ZNF16: variants seen among roughly 807,000 people sequenced by gnomAD.
ZNF16 encodes zinc finger protein KOX9.
A neutral mutation model predicts 9.0 loss-of-function variants in ZNF16; 7 were observed. The ratio of observed to expected loss-of-function variants is 0.78; its 90% CI spans 0.44 to 1.47. The LOEUF is 1.47. Ranked by LOEUF, ZNF16 falls within the 40% of genes most tolerant of loss-of-function variation. The pLI is 0.01. For synonymous variants in ZNF16, 312 were observed against 301.5 expected, an observed-to-expected ratio of 1.03 and a Z score of -0.36; for missense variants, 830 against 854.2, an observed-to-expected ratio of 0.97 and a Z score of 0.35.
At chr8:144,936,368 T>C (rs1415125612) in intron 2 of ZNF16, among the ~76,000 whole-genome samples, 2 of 152,254 alleles carry the variant, frequency 1.3e-5, no homozygotes, top group African/African-American at 4.8e-5. Context: ...ACTACTGCTG[T>C]GAACATGATA....
At chr8:144,949,482 T>C (rs2130070945) in intron 1 of ZNF16, among the ~76,000 whole-genome samples, 1 of 152,372 alleles carries the variant, frequency 6.6e-6, no homozygotes, top group South Asian at 2.1e-4. Context: ...ACTGTTACTG[T>C]GTCTGTGTAG....
chr8:144,944,841 G>A (rs1833890057), intron 2 of ZNF16: 1 of 152,340 alleles, frequency 6.6e-6, no homozygotes, highest in Admixed American at 6.5e-5. Context: ...TACAGTCACT[G>A]AAGTCTTTTT....
chr8:144,932,209 CTG>C lies in ZNF16; in HGVS notation c.576_577del (p.His192GlnfsTer8). ...CCCCTCATGACCAGTTAGGTCCACA[CTG>C]TGCTGGAAACTCTGGCCACCCATGT... On this transcript the variant is annotated frameshift_variant, in exon 3 of 3. Coordinates refer to ENST00000394909, the MANE Select transcript of ZNF16 (RefSeq NM_006958.3). LOFTEE classifies it low-confidence loss of function (END_TRUNC). This position sits in a 1 kb window ranked among gnomAD's most constrained non-coding sequence, Gnocchi z 5.0. 1 of 1,614,196 alleles carries C rather than the reference CTG, an allele frequency of 6.2e-7. No homozygotes were observed.
rs529827619 is a variant in ZNF16, at chr8:144,933,375, C to T, written c.197-785G>A. Reference sequence around the variant, plus strand: ...AATTCTGACTGGTGTTTGCGGATGACTTCTGGCCTCGTAACAATGTGCGTC... The same window carrying T: ...AATTCTGACTGGTGTTTGCGGATGATTTCTGGCCTCGTAACAATGTGCGTC... On this transcript the variant is annotated intron_variant, in intron 2 of 2. Coordinates refer to ENST00000394909, the MANE Select transcript of ZNF16 (RefSeq NM_006958.3). The surrounding 1 kb of genome is among the most constrained non-coding windows in gnomAD (Gnocchi z 5.6). 4.6e-5 allele frequency among the ~76,000 whole-genome samples: 7 copies of T among 152,312 alleles called. No individual in the cohort carries two copies. In the South Asian group the frequency reaches 1.4e-3, roughly 32 times the overall value.
intron 1 of ZNF16, among the ~76,000 whole-genome samples, chr8:144,947,254 GT>G (rs1833981659): frequency 8.5e-6 from 1 of 117,848 alleles, no homozygotes; most frequent in African/African-American, 3.9e-5. Context: ...TGGGGCCTGT[GT>G]CCTGCTGTGG....
chr8:144,949,523 C>T (rs1226153851), intron 1 of ZNF16, among the ~76,000 whole-genome samples: 1 of 152,222 alleles, frequency 6.6e-6, no homozygotes, highest in African/African-American at 2.4e-5. Flanking sequence ...TCCATTTTGA[C>T]CTGTACCTTG....
rs1294297050 is a variant in ZNF16 at position 144,943,727 on chromosome 8, C to CCAAGATTCTCTCGATCTCCTGACCT, written c.196+2259_196+2283dup. ...TAGAGACAGGGTTTCACCACGTTGG[C>CCAAGATTCTCTCGATCTCCTGACCT]CAAGATTCTCTCGATCTCCTGACCT... On this transcript the variant is annotated intron_variant, in intron 2 of 2. Coordinates refer to ENST00000394909, the MANE Select transcript of ZNF16 (RefSeq NM_006958.3). 3.9e-5 allele frequency among the ~76,000 whole-genome samples: 6 copies of CCAAGATTCTCTCGATCTCCTGACCT among 152,106 alleles called. No homozygotes were observed. The East Asian group carries it at 1.2e-3, about 29-fold the overall frequency.
At chr8:144,941,531 G>C (rs1162829458) in intron 2 of ZNF16, among the ~76,000 whole-genome samples, 1 of 152,172 alleles carries the variant, frequency 6.6e-6, no homozygotes, top group African/African-American at 2.4e-5. Flanking sequence ...TTACTGAAAA[G>C]GAAGGACTTC....
chr8:144,930,759 C>T lies in ZNF16; in HGVS notation c.2028G>A (p.Gln676=), dbSNP rs760214025. ...CAGCCTATTCCCTGGTGTGAATCAA[C>T]TGGTGTTTGATCAACTTTGATCGCT... ...FSQRSKLIKH[Q]LIHTRE is the part of the protein sequence containing the mutation. Residue 676 remains glutamine, a synonymous_variant, in exon 3 of 3, where the codon CAG becomes CAA. Transcript: ENST00000394909. The T allele has an allele frequency of 2.3e-5, 35 of 1,530,848 alleles. No individual in the cohort carries two copies. Among genetic ancestry groups the T allele is most frequent in the Non-Finnish European group, 2.8e-5 (32 of 1,141,704 alleles). 94.8% of individuals were successfully genotyped at this position (1,530,848 alleles called of 1,614,324 possible). A position where few individuals can be genotyped will look rare whatever the true frequency, so the allele number is the denominator to read the frequency against.
intron 2 of ZNF16, among the ~76,000 whole-genome samples, chr8:144,934,002 A>G (rs529792756): frequency 1.3e-5 from 2 of 152,026 alleles, no homozygotes; most frequent in South Asian, 4.2e-4. Flanking sequence ...TGCCCCTCCA[A>G]TGCCCCTCCC....
chr8:144,936,746 A>C (rs1026266111), intron 2 of ZNF16, among the ~76,000 whole-genome samples: 9 of 145,286 alleles, frequency 6.2e-5, no homozygotes, highest in African/African-American at 2.5e-4. Context: ...TTTATTTATG[A>C]GACAGAGTCT....
intron 2 of ZNF16, among the ~76,000 whole-genome samples, chr8:144,936,227 T>C (rs973028864): frequency 1.3e-5 from 2 of 152,240 alleles, no homozygotes; most frequent in African/African-American, 4.8e-5. Flanking sequence ...CTCAGAGGTT[T>C]ATCCGCGTGT....
intron 1 of ZNF16, among the ~76,000 whole-genome samples, chr8:144,949,303 G>A (rs1834034295): frequency 6.6e-6 from 1 of 152,224 alleles, no homozygotes; most frequent in Non-Finnish European, 1.5e-5. Flanking sequence ...GGGCCTCCCA[G>A]GCAGGACATC....
Position 144,931,271 on chromosome 8 carries a change from GAA to G in ZNF16, c.1514_1515del (p.Ile505ThrfsTer41). 6.2e-7 allele frequency: 1 copy of G among 1,614,110 alleles called. No individual in the cohort carries two copies. The highest frequency in any genetic ancestry group is 1.1e-5 in the South Asian group (1 of 91,082). ...GKAFSHSSAL[I>X]QHQGVHTGDK... ...TCGCCTGTGTGCACGCCCTGGTGCT[GAA>G]TGAGGGCTGAGCTGTGGCTGAAGGC... On this transcript the variant is annotated frameshift_variant, in exon 3 of 3. Coordinates refer to ENST00000394909, the MANE Select transcript of ZNF16 (RefSeq NM_006958.3). LOFTEE classifies it low-confidence loss of function (END_TRUNC).
At position 144,941,859 on chromosome 8, in the gene ZNF16, T is replaced by C. The variant is rs530895901; in HGVS notation, c.196+4152A>G. Among the ~76,000 whole-genome samples the C allele has an allele frequency of 3.6e-3, 552 of 151,534 alleles. 3 individuals carry two copies. Among genetic ancestry groups the C allele is most frequent in the African/African-American group, 0.012 (491 of 41,296 alleles). Reference sequence around the variant, plus strand: ...ATTTTTAGTAGAGATGGGGTTTCACTGTGTTGGCCAGGATGGTCTCAATCT... The same window carrying C: ...ATTTTTAGTAGAGATGGGGTTTCACCGTGTTGGCCAGGATGGTCTCAATCT... On this transcript the variant is annotated intron_variant, in intron 2 of 2. Coordinates refer to ENST00000394909, the MANE Select transcript of ZNF16 (RefSeq NM_006958.3).
chr8:144,949,031 TTC>T (rs1345365457), intron 1 of ZNF16, among the ~76,000 whole-genome samples: 1 of 152,246 alleles, frequency 6.6e-6, no homozygotes, highest in Non-Finnish European at 1.5e-5. Flanking sequence ...CAGCCAGCAC[TTC>T]TGAGGACCAA....
chr8:144,940,301 G>A (rs1006790518), intron 2 of ZNF16, among the ~76,000 whole-genome samples: 1 of 152,008 alleles, frequency 6.6e-6, no homozygotes, highest in Non-Finnish European at 1.5e-5. Context: ...GGCTGGTCTC[G>A]AACTCCTGGG....
Position 144,932,545 on chromosome 8 carries a change from T to C in ZNF16, c.242A>G (p.Asp81Gly). The change falls in exon 3 of 3, where the codon GAC becomes GGC. Residue 81 changes from aspartate (D) to glycine (G), a missense_variant. By Grantham distance (94) the Asp-to-Gly change is moderately conservative. Transcript: ENST00000394909. This position sits in a 1 kb window ranked among gnomAD's most constrained non-coding sequence, Gnocchi z 5.0. Reference protein sequence around the residue: ...TEDKEFLHKEDIHEDLESQAE... With the variant: ...TEDKEFLHKEGIHEDLESQAE... Reference sequence around the variant, plus strand: ...CTGTGATTCCAAATCTTCATGAATGTCTTCCTTGTGAAGAAACTCCTTGTC... The same window carrying C: ...CTGTGATTCCAAATCTTCATGAATGCCTTCCTTGTGAAGAAACTCCTTGTC... 1.9e-6 allele frequency: 3 copies of C among 1,614,138 alleles called. No homozygotes were observed. Among genetic ancestry groups the C allele is most frequent in the Non-Finnish European group, 2.5e-6 (3 of 1,180,002 alleles).
intron 1 of ZNF16, among the ~76,000 whole-genome samples, chr8:144,950,143 T>C (rs1834068226): frequency 6.6e-6 from 1 of 152,086 alleles, no homozygotes; most frequent in Non-Finnish European, 1.5e-5. Context: ...CATCCAGGCA[T>C]AGTACCTCCC....
Sources: gnomAD v4.1 joint callset for allele counts (sites outside exome capture counted in the v4.1 genomes callset) on GRCh38, gnomAD v4.1.1 for gene constraint, Gnocchi (gnomAD v3.1) non-coding constraint, MANE v1.5 for transcripts, NCBI Gene and HGNC (gene_info 2026-07-23, HGNC 2026-07-21) for gene names.